Variants in MESP1 observed in about 807,000 individuals in gnomAD.
MESP1 encodes mesoderm posterior protein 1.
A neutral mutation model predicts 15.2 loss-of-function variants in MESP1; 22 were observed. The observed-to-expected ratio is 1.45, with a 90% CI of 1.04 to 2.07. MESP1 has a LOEUF of 2.07. MESP1 is among the 30% of genes most tolerant of loss of function. MESP1 has a pLI of 0.00. For synonymous variants in MESP1, 216 were observed against 192.6 expected (o/e 1.12, Z -1.01); for missense variants, 484 against 411.9 (o/e 1.17, Z -1.51).
the MESP1 span, chr15:89,737,604 G>C: frequency 6.2e-7 from 1 of 1,614,228 alleles, no homozygotes; most frequent in Non-Finnish European, 8.5e-7. Flanking sequence ...GGCTCTGTGT[G>C]CCTTATGGAT....
the MESP1 span, among the ~76,000 whole-genome samples, chr15:89,734,023 ATG>A: frequency 6.6e-6 from 1 of 151,354 alleles, no homozygotes; most frequent in Non-Finnish European, 1.5e-5. Context: ...GCGCGCGCGC[ATG>A]TGTGTACGTG....
At chr15:89,738,205 G>A in the MESP1 span, 47 of 1,612,952 alleles carry the variant, frequency 2.9e-5, no homozygotes, top group Non-Finnish European at 4.0e-5. Context: ...ACTGCCACTG[G>A]AGAAGAGATG....
chr15:89,735,912 T>G, the MESP1 span, among the ~76,000 whole-genome samples: 6 of 151,992 alleles, frequency 3.9e-5, no homozygotes, highest in African/African-American at 1.5e-4. Flanking sequence ...CCAGAGGAGT[T>G]GAGAAGGCAA....
chr15:89,747,912 G>A (rs1214474244), downstream of MESP1, among the ~76,000 whole-genome samples: 1 of 152,230 alleles, frequency 6.6e-6, no homozygotes, highest in African/African-American at 2.4e-5. Context: ...GTTTCCTCCG[G>A]GTGTGGGATG....
chr15:89,733,998 T>C, the MESP1 span, among the ~76,000 whole-genome samples: 1 of 151,334 alleles, frequency 6.6e-6, no homozygotes, highest in Non-Finnish European at 1.5e-5. Flanking sequence ...GTATAATGTG[T>C]GTGTGTGTGT....
rs1968074482 is a variant in MESP1, at chr15:89,750,750, C to T, written c.482G>A (p.Arg161Gln). ...GTCGTCGGGGCACAGCGGGCAGCCCCGAGGGGACCCCGCGTCACCGCGCTG... is the reference window on the plus strand; with the variant it reads ...GTCGTCGGGGCACAGCGGGCAGCCCTGAGGGGACCCCGCGTCACCGCGCTG... The part of the protein sequence containing the change: ...CRQRGDAGSP[R>Q]GCPLCPDDCP... The change falls in exon 1 of 2, where the codon CGG becomes CAG. Residue 161 changes from arginine to glutamine, a missense_variant. Coordinates refer to ENST00000300057, the MANE Select transcript of MESP1 (RefSeq NM_018670.4). 1.4e-6 allele frequency: 2 copies of T among 1,475,084 alleles called. No individual in the cohort carries two copies. The highest frequency in any genetic ancestry group is 1.8e-6 in the Non-Finnish European group (2 of 1,117,706). The allele number at this position is 1,475,084 out of a possible 1,614,324, so 91.4% of individuals were successfully genotyped here. A position where few individuals can be genotyped will look rare whatever the true frequency, so the allele number is the denominator to read the frequency against.
the MESP1 span, chr15:89,732,907 C>A: frequency 8.7e-7 from 1 of 1,148,804 alleles, no homozygotes; most frequent in Non-Finnish European, 1.3e-6. Flanking sequence ...GCCTTCACAT[C>A]CTACAAGTCC....
the MESP1 span, among the ~76,000 whole-genome samples, chr15:89,736,948 C>T: frequency 1.1e-4 from 16 of 152,232 alleles, no homozygotes; most frequent in South Asian, 1.0e-3. Flanking sequence ...CCCGCTAGCA[C>T]GCCAGGCTAA....
chr15:89,747,016 C>T (rs144923223), downstream of MESP1, among the ~76,000 whole-genome samples: 264 of 148,128 alleles, frequency 1.8e-3, 2 homozygotes, highest in Middle Eastern at 7.1e-3. Context: ...TATGCTCACG[C>T]ACACACACAG....
At chr15:89,744,716 G>A in the MESP1 span, among the ~76,000 whole-genome samples, 14 of 152,356 alleles carry the variant, frequency 9.2e-5, no homozygotes, top group East Asian at 2.5e-3. Flanking sequence ...AAAGGGGGAT[G>A]TGTTGGCTCA....
chr15:89,750,490 C>T lies in MESP1; in HGVS notation c.723+19G>A, dbSNP rs986213894. The T allele has an allele frequency of 1.1e-5, 16 of 1,476,290 alleles. No homozygotes were observed. In the African/African-American group the frequency reaches 1.8e-4, roughly 17 times the overall value. 91.4% of individuals were successfully genotyped at this position (1,476,290 alleles called of 1,614,324 possible). A position where few individuals can be genotyped will look rare whatever the true frequency, so the allele number is the denominator to read the frequency against. On this transcript the variant is annotated intron_variant, in intron 1 of 1. Transcript: ENST00000300057. ...CGCGGGGGCACGGACGAAGGGGGCG[C>T]GGGGAAGGGGACACTAACCGGGGAC...
At chr15:89,733,224 G>C in the MESP1 span, 1 of 1,611,528 alleles carries the variant, frequency 6.2e-7, no homozygotes, top group Non-Finnish European at 8.5e-7. Context: ...TGAGAGGTCA[G>C]TAGCTTGAGG....
the MESP1 span, chr15:89,737,985 G>C: frequency 6.5e-7 from 1 of 1,538,292 alleles, no homozygotes; most frequent in Non-Finnish European, 8.8e-7. Context: ...CTGGACCACA[G>C]AGCCCACTGA....
chr15:89,733,102 A>T, the MESP1 span: 143 of 1,614,112 alleles, frequency 8.9e-5, no homozygotes, highest in African/African-American at 1.7e-3. Context: ...CAGAATATGT[A>T]TCCTGAAGGT....
the MESP1 span, among the ~76,000 whole-genome samples, chr15:89,734,325 C>G: frequency 6.6e-5 from 10 of 152,158 alleles, no homozygotes; most frequent in Non-Finnish European, 1.3e-4. Flanking sequence ...CTTCAGGCAG[C>G]TCACAGCTCT....
the MESP1 span, chr15:89,735,508 T>G: frequency 6.2e-7 from 1 of 1,614,172 alleles, no homozygotes; most frequent in Non-Finnish European, 8.5e-7. Context: ...AGCACCTGGA[T>G]AAAACCATCT....
At chr15:89,748,257 G>A (rs746536992), downstream of MESP1, among the ~76,000 whole-genome samples, 23 of 151,944 alleles carry the variant, frequency 1.5e-4, no homozygotes, top group Non-Finnish European at 1.6e-4. Flanking sequence ...AGGGTCCTGG[G>A]AGGGGAGTGA....
At chr15:89,742,869 G>C in the MESP1 span, among the ~76,000 whole-genome samples, 1 of 152,200 alleles carries the variant, frequency 6.6e-6, no homozygotes, top group Non-Finnish European at 1.5e-5. Context: ...AACTCAAACT[G>C]TCTTTATAAA....
chr15:89,733,352 T>A, the MESP1 span: 2 of 815,086 alleles, frequency 2.5e-6, no homozygotes, highest in Non-Finnish European at 1.9e-6. Context: ...GGTGAGCTTC[T>A]GAAGATCACC....
Sources: allele counts gnomAD v4.1 joint callset (sites outside exome capture counted in the v4.1 genomes callset), GRCh38; gene constraint gnomAD v4.1.1; transcripts MANE v1.5; gene names NCBI Gene and HGNC (gene_info 2026-07-23, HGNC 2026-07-21).